Variants in BCORL1 observed in about 807,000 individuals in gnomAD.
BCORL1 encodes the protein BCL6 corepressor like 1, also known as BCL-6 corepressor-like protein 1.
In BCORL1, 7 loss-of-function variants were observed where a neutral mutation model predicts 87.6. That is an observed-to-expected ratio of 0.08 (90% CI 0.05 to 0.15). The LOEUF (loss-of-function observed/expected upper bound fraction) is 0.15. Ranked by LOEUF, BCORL1 falls within the 10% of genes least tolerant of loss-of-function variation. The probability of loss-of-function intolerance (pLI) is 1.00; values close to 1 mark genes in which losing one functional copy is unlikely to be tolerated. For missense variants in BCORL1, 1,215 were observed against 1,499.7 expected (o/e 0.81, Z 3.13); for synonymous variants, 591 against 634.4 (o/e 0.93, Z 1.03).
At chrX:130,029,432 T>C (rs1167068126) in intron 8 of BCORL1, among the ~76,000 whole-genome samples, 3 of 111,237 alleles carry the variant, frequency 2.7e-5, no homozygotes, top group South Asian at 3.7e-4. Context: ...TCATCCCAAA[T>C]CAACATCTCT....
chrX:129,988,474 A>T (rs1038107442), intron 1 of BCORL1, among the ~76,000 whole-genome samples: 4 of 111,445 alleles, frequency 3.6e-5, no homozygotes, highest in African/African-American at 1.3e-4. Context: ...TAAAAAAAAA[A>T]AGTAACTGAG....
intron 2 of BCORL1, among the ~76,000 whole-genome samples, chrX:130,007,169 A>G (rs1161091377): frequency 8.9e-6 from 1 of 112,168 alleles, no homozygotes; most frequent in East Asian, 2.8e-4. Flanking sequence ...GGTCAAGGTT[A>G]GCAGAATAGA....
At chrX:130,022,404 C>T (rs1354643535) in intron 5 of BCORL1, among the ~76,000 whole-genome samples, 2 of 108,280 alleles carry the variant, frequency 1.8e-5, no homozygotes, top group African/African-American at 6.8e-5. Context: ...AGTGCCACCA[C>T]GCCCGGCGAA....
At chrX:130,004,568 C>T (rs899439548) in intron 1 of BCORL1, among the ~76,000 whole-genome samples, 7 of 112,015 alleles carry the variant, frequency 6.2e-5, no homozygotes, top group Admixed American at 3.8e-4. Context: ...CTGGATGGAA[C>T]GTTGTTTTCT....
intron 11 of BCORL1, among the ~76,000 whole-genome samples, chrX:130,048,056 A>G (rs1931860803): frequency 8.9e-6 from 1 of 111,980 alleles, no homozygotes; most frequent in Non-Finnish European, 1.9e-5. Context: ...AATGTGCATG[A>G]CTAGAGGTTT....
At chrX:130,003,374 CT>C (rs59574323) in intron 1 of BCORL1, among the ~76,000 whole-genome samples, 130 of 91,406 alleles carry the variant, frequency 1.4e-3, no homozygotes, top group Middle Eastern at 5.2e-3. Context: ...TCTTCTTCTT[CT>C]TTTTTTTTTT....
At chrX:129,986,026 T>C (rs1349158620) in intron 1 of BCORL1, among the ~76,000 whole-genome samples, 2 of 110,898 alleles carry the variant, frequency 1.8e-5, no homozygotes, top group Non-Finnish European at 3.8e-5. Flanking sequence ...ATTTTTTGTA[T>C]TTTTAGTAGA....
At chrX:130,005,042 G>A (rs1209141825) in intron 1 of BCORL1, 146 bp from the exon 2 acceptor site, 7 of 367,723 alleles carry the variant, frequency 1.9e-5, no homozygotes, top group Non-Finnish European at 2.9e-5. Flanking sequence ...CCCTCTTCCC[G>A]GTTTAGACCT....
Position 130,057,080 on chromosome X carries a change from C to T in BCORL1, c.*944C>T, listed in dbSNP as rs1165495660. 4.6e-5 allele frequency: 5 copies of T among 109,309 alleles called. No individual in the cohort carries two copies. The highest frequency in any genetic ancestry group is 9.5e-5 in the Non-Finnish European group (5 of 52,364). The allele number at this position is 109,309 out of a possible 1,213,427, so 9.0% of individuals were successfully genotyped here. A position where few individuals can be genotyped will look rare whatever the true frequency, so the allele number is the denominator to read the frequency against. On this transcript the variant is annotated 3_prime_UTR_variant, in exon 14 of 14. Coordinates refer to ENST00000540052, the MANE Select transcript of BCORL1 (RefSeq NM_001379451.1). ...TGTTCCTGCCTCCACTCTCCCACCC[C>T]GTTCTGGCCTCCCTGTCTCAAGATA...
At chrX:130,009,342 G>A (rs1035969788) in intron 2 of BCORL1, among the ~76,000 whole-genome samples, 1 of 110,792 alleles carries the variant, frequency 9.0e-6, no homozygotes, top group Non-Finnish European at 1.9e-5. Flanking sequence ...GCGCATGCCT[G>A]TAATCCCAGC....
At chrX:130,043,746 TTATA>T (rs55637661) in intron 11 of BCORL1, among the ~76,000 whole-genome samples, 64 of 17,462 alleles carry the variant, frequency 3.7e-3, no homozygotes, top group Non-Finnish European at 4.0e-3. Flanking sequence ...AGCTAATTTG[TTATA>T]TATATATATA....
At chrX:130,022,026 A>C (rs185928157) in intron 5 of BCORL1, among the ~76,000 whole-genome samples, 6 of 110,575 alleles carry the variant, frequency 5.4e-5, no homozygotes, top group African/African-American at 2.0e-4. Context: ...GGCTCAAGCC[A>C]TCTCCCTGCC....
At chrX:130,051,369 G>A (rs1009416759) in intron 12 of BCORL1, among the ~76,000 whole-genome samples, 1 of 112,915 alleles carries the variant, frequency 8.9e-6, no homozygotes, top group Non-Finnish European at 1.9e-5. Context: ...GGGGAAGCTG[G>A]AGGGGAGAAA....
chrX:130,038,084 G>A (rs982054771), intron 10 of BCORL1, among the ~76,000 whole-genome samples: 2 of 110,410 alleles, frequency 1.8e-5, no homozygotes, highest in Non-Finnish European at 3.8e-5. Context: ...ACTAAGGGGA[G>A]GCTGTGGTTG....
At chrX:130,033,141 C>G (rs999538557) in intron 8 of BCORL1, among the ~76,000 whole-genome samples, 4 of 106,167 alleles carry the variant, frequency 3.8e-5, no homozygotes, top group Non-Finnish European at 7.7e-5. Flanking sequence ...GAGCGCAGTG[C>G]CGCAATCTTG....
chrX:129,990,894 A>C (rs1195860123), intron 1 of BCORL1, among the ~76,000 whole-genome samples: 3 of 111,115 alleles, frequency 2.7e-5, no homozygotes. Flanking sequence ...CTTTCTGAAA[A>C]GGGCTGTTGT....
At chrX:129,983,437 G>T (rs1051034083) in intron 1 of BCORL1, among the ~76,000 whole-genome samples, 2 of 100,991 alleles carry the variant, frequency 2.0e-5, no homozygotes, top group African/African-American at 7.2e-5. Flanking sequence ...GGGGGGGGGG[G>T]GTGTCCGTGA....
rs1470604943 is a variant in BCORL1, at chrX:130,051,843, A to G, written c.4919-17A>G. 8.5e-7 allele frequency: 1 copy of G among 1,176,253 alleles called. No individual in the cohort carries two copies. The highest frequency in any genetic ancestry group is 1.1e-6 in the Non-Finnish European group (1 of 875,727). On this transcript the variant is annotated splice_polypyrimidine_tract_variant and intron_variant, in intron 12 of 13. Transcript: ENST00000540052. Reference sequence around the variant, plus strand: ...ACATGTATCTGAGTCCTAATCCCCTATATGCTCCCCTTACAGAGGAAAAAG... The same window carrying G: ...ACATGTATCTGAGTCCTAATCCCCTGTATGCTCCCCTTACAGAGGAAAAAG...
chrX:130,031,652 C>T (rs1930612125), intron 8 of BCORL1, among the ~76,000 whole-genome samples: 1 of 111,678 alleles, frequency 9.0e-6, no homozygotes. Flanking sequence ...GGCGTGGTGG[C>T]ACCTGCCTTT....
Sources: allele counts gnomAD v4.1 joint callset (sites outside exome capture counted in the v4.1 genomes callset), GRCh38; gene constraint gnomAD v4.1.1; transcripts MANE v1.5; gene names NCBI Gene and HGNC (gene_info 2026-07-23, HGNC 2026-07-21).